The following RFX3 variants were observed in gnomAD, a reference collection of about 807,000 sequenced individuals.
RFX3 encodes regulatory factor X3.
RFX3 carries 14 observed loss-of-function variants against 98.6 expected under a neutral mutation model. The observed-to-expected ratio is 0.14, with a 90% confidence interval of 0.09 to 0.22. The LOEUF (loss-of-function observed/expected upper bound fraction) is 0.22, where lower values mean the gene tolerates loss of function less well. Ranked by LOEUF, RFX3 falls within the 10% of genes least tolerant of loss-of-function variation. The pLI is 1.00. For synonymous variants in RFX3, 383 were observed against 328.4 expected, an observed-to-expected ratio of 1.17 and a Z score of -1.80; for missense variants, 639 against 926.9, an observed-to-expected ratio of 0.69 and a Z score of 4.03.
intron 1 of RFX3, among the ~76,000 whole-genome samples, chr9:3,431,730 A>C (rs1275054297): frequency 6.6e-6 from 1 of 152,208 alleles, no homozygotes; most frequent in Non-Finnish European, 1.5e-5. Context: ...TAATTTTAGA[A>C]AGAGGCTTGA....
intron 1 of RFX3, among the ~76,000 whole-genome samples, chr9:3,523,922 T>G (rs901439749): frequency 3.9e-5 from 6 of 152,124 alleles, no homozygotes; most frequent in African/African-American, 1.4e-4. Context: ...GGAAATGAAT[T>G]GAAAAAGTTT....
intron 11 of RFX3, 23 bp from the exon 12 acceptor site, chr9:3,266,328 A>G: frequency 2.0e-6 from 3 of 1,487,106 alleles, no homozygotes; most frequent in Non-Finnish European, 2.8e-6. Flanking sequence ...GAATAAAAGC[A>G]GGATAAAAAA....
At chr9:3,379,166 G>A (rs1564014209) in intron 2 of RFX3, among the ~76,000 whole-genome samples, 2 of 152,118 alleles carry the variant, frequency 1.3e-5, no homozygotes, top group African/African-American at 4.8e-5. Context: ...GATCATCAAT[G>A]TACATTACAG....
chr9:3,377,278 G>C (rs954281268), intron 2 of RFX3, among the ~76,000 whole-genome samples: 62 of 152,324 alleles, frequency 4.1e-4, no homozygotes, highest in African/African-American at 1.4e-3. Context: ...AAAAGGATGA[G>C]TTCATGTCCT....
chr9:3,450,019 T>G (rs962907478), intron 1 of RFX3, among the ~76,000 whole-genome samples: 7 of 152,256 alleles, frequency 4.6e-5, no homozygotes, highest in Non-Finnish European at 7.3e-5. Context: ...TGCATTCACC[T>G]ATCAGATCCT....
At chr9:3,291,915 G>A (rs1408651372) in intron 6 of RFX3, among the ~76,000 whole-genome samples, 1 of 151,448 alleles carries the variant, frequency 6.6e-6, no homozygotes, top group Non-Finnish European at 1.5e-5. Context: ...TAATTAGCTG[G>A]ACGTGGTGGC....
At chr9:3,313,337 G>A (rs971939147) in intron 4 of RFX3, among the ~76,000 whole-genome samples, 1 of 152,156 alleles carries the variant, frequency 6.6e-6, no homozygotes, top group African/African-American at 2.4e-5. Flanking sequence ...CAAACAGAAA[G>A]GACGTCCACA....
intron 1 of RFX3, among the ~76,000 whole-genome samples, chr9:3,458,084 C>T (rs1006010236): frequency 6.6e-6 from 1 of 152,066 alleles, no homozygotes; most frequent in African/African-American, 2.4e-5. Context: ...TGTGCAAAGC[C>T]ATGGCAATAT....
intron 1 of RFX3, among the ~76,000 whole-genome samples, chr9:3,431,606 C>T (rs1361332670): frequency 6.6e-6 from 1 of 151,958 alleles, no homozygotes; most frequent in East Asian, 1.9e-4. Flanking sequence ...GAAAAGCATA[C>T]CTATAGATTC....
intron 7 of RFX3, among the ~76,000 whole-genome samples, chr9:3,286,968 C>A (rs781591347): frequency 4.6e-5 from 7 of 151,836 alleles, no homozygotes; most frequent in Non-Finnish European, 7.4e-5. Flanking sequence ...CCAGATATTG[C>A]CGAAAACTCC....
intron 7 of RFX3, among the ~76,000 whole-genome samples, chr9:3,284,373 A>G (rs754388562): frequency 6.6e-6 from 1 of 151,780 alleles, no homozygotes; most frequent in South Asian, 2.1e-4. Flanking sequence ...TATCTAAATT[A>G]GGGTAAACAA....
chr9:3,401,748 T>C (rs893911033), intron 1 of RFX3, among the ~76,000 whole-genome samples: 1 of 152,182 alleles, frequency 6.6e-6, no homozygotes, highest in African/African-American at 2.4e-5. Flanking sequence ...CTTTTTATTC[T>C]GGCTAATTAA....
chr9:3,290,402 A>C (rs1827187307), intron 6 of RFX3, among the ~76,000 whole-genome samples: 1 of 152,146 alleles, frequency 6.6e-6, no homozygotes, highest in Non-Finnish European at 1.5e-5. Context: ...ATGGAGCCTC[A>C]AAATAGGACC....
chr9:3,378,282 T>C (rs907403359), intron 2 of RFX3, among the ~76,000 whole-genome samples: 2 of 152,150 alleles, frequency 1.3e-5, no homozygotes, highest in African/African-American at 2.4e-5. Context: ...GCAATATTAA[T>C]GCAATCTTCA....
rs1564185736 is a variant in RFX3, at chr9:3,504,921, CATATATT to C, written c.-9+20819_-9+20825del. Reference sequence around the variant, plus strand: ...TATATTATATATATATATAATATAACATATATTATATATAATATATATAATATAATAT... The same window carrying C: ...TATATTATATATATATATAATATAACATATATAATATATATAATATAATAT... On this transcript the variant is annotated intron_variant, in intron 1 of 16. Coordinates refer to ENST00000617270, the MANE Select transcript of RFX3 (RefSeq NM_001282116.2). 4.8e-3 allele frequency among the ~76,000 whole-genome samples: 102 copies of C among 21,426 alleles called. 4 individuals carry two copies. Among genetic ancestry groups the C allele is most frequent in the African/African-American group, 0.016 (95 of 5,936 alleles). 14.1% of individuals were successfully genotyped at this position (21,426 alleles called of 152,430 possible). A position where few individuals can be genotyped will look rare whatever the true frequency, so the allele number is the denominator to read the frequency against.
intron 1 of RFX3, among the ~76,000 whole-genome samples, chr9:3,423,709 T>C (rs765004038): frequency 6.7e-5 from 10 of 149,068 alleles, no homozygotes; most frequent in Admixed American, 2.0e-4. Context: ...GTTACATAGA[T>C]ATAAATTTTA....
In RFX3 at chr9:3,349,581, C is replaced by T. The variant is rs536138451; in HGVS notation, c.118-2817G>A. Among the ~76,000 whole-genome samples the T allele has an allele frequency of 1.8e-4, 28 of 152,014 alleles. 1 individual carries two copies. The highest frequency in any genetic ancestry group is 6.8e-4 in the African/African-American group (28 of 41,436). ...CTGCTGCTTCTATCTTACTTACTGC[C>T]CCCACACCCCCAACAGGTAACCATT... On this transcript the variant is annotated intron_variant, in intron 2 of 16. Transcript: ENST00000617270.
chr9:3,340,654 T>C (rs1225988313), intron 3 of RFX3, among the ~76,000 whole-genome samples: 2 of 152,082 alleles, frequency 1.3e-5, no homozygotes, highest in South Asian at 2.1e-4. Flanking sequence ...CATGAAAAAA[T>C]GCTCATCATC....
intron 14 of RFX3, among the ~76,000 whole-genome samples, chr9:3,250,958 T>C (rs75074561): frequency 0.025 from 3,800 of 152,270 alleles, 164 homozygotes; most frequent in African/African-American, 0.087. Flanking sequence ...TTAGTTACTT[T>C]AAATGTTTAT....
Sources: gnomAD v4.1 joint callset for allele counts (sites outside exome capture counted in the v4.1 genomes callset) on GRCh38, gnomAD v4.1.1 for gene constraint, MANE v1.5 for transcripts, NCBI Gene and HGNC (gene_info 2026-07-23, HGNC 2026-07-21) for gene names.